Variants in CCDC167 observed in about 807,000 individuals in gnomAD.
The protein encoded by CCDC167 is coiled-coil domain containing 167, also known as coiled-coil domain-containing protein 167.
In CCDC167, 15 loss-of-function variants were observed where a neutral mutation model predicts 12.7. The observed-to-expected ratio is 1.18, with a 90% confidence interval of 0.79 to 1.81. CCDC167 has a LOEUF of 1.81. Among genes scored for constraint, CCDC167 ranks in the 40% most tolerant of loss-of-function variants. The pLI is 0.00. For missense variants in CCDC167, 121 were observed against 120.1 expected (o/e 1.01, Z -0.03); for synonymous variants, 52 against 49.0 (o/e 1.06, Z -0.26).
chr6:37,494,944 C>T (rs1402423371), intron 1 of CCDC167, among the ~76,000 whole-genome samples: 13 of 151,666 alleles, frequency 8.6e-5, no homozygotes, highest in African/African-American at 3.2e-4. Flanking sequence ...GGATTACAGG[C>T]GTGTACCACC....
At chr6:37,495,866 A>G (rs1304444868) in intron 1 of CCDC167, among the ~76,000 whole-genome samples, 1 of 152,234 alleles carries the variant, frequency 6.6e-6, no homozygotes, top group Non-Finnish European at 1.5e-5. Context: ...TAATAAGAGG[A>G]CAATATCTAC....
intron 1 of CCDC167, among the ~76,000 whole-genome samples, chr6:37,490,576 T>A (rs1486192872): frequency 2.6e-5 from 4 of 152,056 alleles, no homozygotes; most frequent in Admixed American, 1.3e-4. Context: ...GGGCAGGGAA[T>A]TGAGGCCTGC....
At chr6:37,498,860 C>T (rs1762130419) in intron 1 of CCDC167, among the ~76,000 whole-genome samples, 2 of 152,018 alleles carry the variant, frequency 1.3e-5, no homozygotes, top group South Asian at 2.1e-4. Context: ...TAAGAATGCA[C>T]ATCAAAGTCC....
intron 1 of CCDC167, among the ~76,000 whole-genome samples, chr6:37,487,345 C>T (rs1761956635): frequency 6.6e-6 from 1 of 152,166 alleles, no homozygotes; most frequent in South Asian, 2.1e-4. Flanking sequence ...TATTTTTAGC[C>T]ACAATGAGTG....
intron 1 of CCDC167, 108 bp from the exon 2 acceptor site, chr6:37,485,302 A>C (rs557386901): frequency 3.6e-6 from 3 of 839,158 alleles, no homozygotes; most frequent in Non-Finnish European, 5.8e-6. Flanking sequence ...TGTTCCCCCC[A>C]TTCGTTTTGG....
chr6:37,491,403 G>T, intron 1 of CCDC167, among the ~76,000 whole-genome samples: 1 of 152,160 alleles, frequency 6.6e-6, no homozygotes, highest in East Asian at 1.9e-4. Context: ...GCACCCCCGG[G>T]GCCTGGTGCT....
intron 1 of CCDC167, among the ~76,000 whole-genome samples, chr6:37,487,217 T>C (rs961529780): frequency 5.9e-5 from 9 of 152,292 alleles, no homozygotes; most frequent in Admixed American, 3.3e-4. Flanking sequence ...ATTCCACTTA[T>C]ATATGTGAAC....
chr6:37,485,082 G>C lies in CCDC167; in HGVS notation c.137+18C>G, dbSNP rs1200762362. ...GGGCCTGATGGGGAAGGGTGGGGTG[G>C]CTGGGCAGGAGCATTACCTGGCCTC... On this transcript the variant is annotated intron_variant, in intron 2 of 3. Coordinates refer to ENST00000373408, the MANE Select transcript of CCDC167 (RefSeq NM_138493.3). 6.2e-7 allele frequency: 1 copy of C among 1,601,472 alleles called. No individual in the cohort carries two copies. The highest frequency in any genetic ancestry group is 8.5e-7 in the Non-Finnish European group (1 of 1,172,490).
chr6:37,494,871 C>T (rs984646386), intron 1 of CCDC167, among the ~76,000 whole-genome samples: 1 of 141,762 alleles, frequency 7.1e-6, no homozygotes, highest in Non-Finnish European at 1.5e-5. Flanking sequence ...ACGATCTTGG[C>T]TCACTGCAAC....
intron 1 of CCDC167, among the ~76,000 whole-genome samples, chr6:37,487,452 G>A (rs1761958277): frequency 6.6e-6 from 1 of 152,244 alleles, no homozygotes; most frequent in Non-Finnish European, 1.5e-5. Context: ...GTCCATAGAA[G>A]CTAGAAAAAG....
chr6:37,494,055 CCT>C (rs1762065426), intron 1 of CCDC167, among the ~76,000 whole-genome samples: 2 of 132,812 alleles, frequency 1.5e-5, no homozygotes, highest in South Asian at 5.1e-4. Flanking sequence ...AGTGATCCTG[CCT>C]TTTTTTTTTT....
At chr6:37,486,299 C>T (rs1370096876) in intron 1 of CCDC167, among the ~76,000 whole-genome samples, 1 of 152,220 alleles carries the variant, frequency 6.6e-6, no homozygotes, top group African/African-American at 2.4e-5. Context: ...CACCCCTCTC[C>T]TTATCAGTCT....
chr6:37,493,442 C>G (rs1324414391), intron 1 of CCDC167, among the ~76,000 whole-genome samples: 1 of 152,250 alleles, frequency 6.6e-6, no homozygotes, highest in Non-Finnish European at 1.5e-5. Flanking sequence ...AAGATGCTGG[C>G]AGACAGCCAC....
At chr6:37,489,701 G>A (rs55738600) in intron 1 of CCDC167, among the ~76,000 whole-genome samples, 15,530 of 152,256 alleles carry the variant, frequency 0.1, 818 homozygotes, top group Non-Finnish European at 0.11. Flanking sequence ...AAGAGGCCCC[G>A]TGGAAGGGAT....
chr6:37,488,093 C>T (rs1394424437), intron 1 of CCDC167, among the ~76,000 whole-genome samples: 9 of 152,190 alleles, frequency 5.9e-5, no homozygotes, highest in Admixed American at 2.6e-4. Context: ...GGTGACCCTG[C>T]GGGGTCCCCA....
intron 1 of CCDC167, among the ~76,000 whole-genome samples, chr6:37,498,076 T>G (rs919624039): frequency 1.3e-5 from 2 of 152,168 alleles, no homozygotes; most frequent in Non-Finnish European, 2.9e-5. Flanking sequence ...AAAAGCACTG[T>G]GAGTACTGAT....
intron 3 of CCDC167, among the ~76,000 whole-genome samples, chr6:37,484,313 G>A (rs544002846): frequency 9.4e-4 from 143 of 152,302 alleles, no homozygotes; most frequent in African/African-American, 3.2e-3. Flanking sequence ...CCTGCCAGCC[G>A]CCCTCTGGCG....
intron 1 of CCDC167, among the ~76,000 whole-genome samples, chr6:37,490,379 G>C (rs1762002302): frequency 6.6e-6 from 1 of 152,138 alleles, no homozygotes. Context: ...AAGAGGGGAG[G>C]AGGAAGGAAA....
chr6:37,495,079 C>T (rs1282243839), intron 1 of CCDC167, among the ~76,000 whole-genome samples: 4 of 152,154 alleles, frequency 2.6e-5, no homozygotes, highest in East Asian at 1.9e-4. Flanking sequence ...GGATTACAGG[C>T]GTGAGCCACT....
Sources: allele counts gnomAD v4.1 joint callset (sites outside exome capture counted in the v4.1 genomes callset), GRCh38; gene constraint gnomAD v4.1.1; transcripts MANE v1.5; gene names NCBI Gene and HGNC (gene_info 2026-07-23, HGNC 2026-07-21).